Variants in ACVR1 observed in about 807,000 individuals in gnomAD.
The protein encoded by ACVR1 is activin receptor type-1.
ACVR1 carries 38 observed loss-of-function variants against 57.1 expected under a neutral mutation model. The ratio of observed to expected loss-of-function variants is 0.67; its 90% CI spans 0.51 to 0.87. The LOEUF (loss-of-function observed/expected upper bound fraction) is 0.87, where lower values mean the gene tolerates loss of function less well. ACVR1 is among the 40% of genes least tolerant of loss of function. ACVR1 has a pLI of 0.00. For synonymous variants in ACVR1, 212 were observed against 228.1 expected (o/e 0.93, Z 0.63); for missense variants, 463 against 638.2 (o/e 0.73, Z 2.96).
At chr2:157,782,532 A>G (rs566066101) in intron 3 of ACVR1, among the ~76,000 whole-genome samples, 1 of 152,214 alleles carries the variant, frequency 6.6e-6, no homozygotes, top group Admixed American at 6.5e-5. Context: ...AGAAACATGT[A>G]TATCTGTTGA....
chr2:157,851,521 A>C (rs561678979), intron 1 of ACVR1, among the ~76,000 whole-genome samples: 3 of 152,302 alleles, frequency 2.0e-5, no homozygotes, highest in African/African-American at 7.2e-5. Context: ...CTTAGAAAAA[A>C]GATATTAGGG....
intron 3 of ACVR1, among the ~76,000 whole-genome samples, chr2:157,793,123 T>C (rs1686981733): frequency 6.6e-6 from 1 of 152,212 alleles, no homozygotes; most frequent in Admixed American, 6.5e-5. Context: ...TTACAAGTTT[T>C]TCCATAAAGA....
At chr2:157,747,003 T>C (rs1384852274) in intron 9 of ACVR1, among the ~76,000 whole-genome samples, 2 of 152,212 alleles carry the variant, frequency 1.3e-5, no homozygotes, top group Admixed American at 1.3e-4. Context: ...AACATATTTT[T>C]ATGCTCATGG....
At chr2:157,780,238 G>T in intron 4 of ACVR1, 99 bp downstream of exon 4, 1 of 1,536,906 alleles carries the variant, frequency 6.5e-7, no homozygotes, top group African/African-American at 1.4e-5. Context: ...TCAAAATGTA[G>T]GTGGAATGCC....
chr2:157,809,414 C>A (rs1472270906), intron 2 of ACVR1, among the ~76,000 whole-genome samples: 2 of 152,082 alleles, frequency 1.3e-5, no homozygotes, highest in African/African-American at 4.8e-5. Context: ...TTAAATATAT[C>A]CATCAAAAGT....
intron 2 of ACVR1, among the ~76,000 whole-genome samples, chr2:157,800,870 T>C (rs1305059216): frequency 1.3e-5 from 2 of 152,070 alleles, no homozygotes; most frequent in Admixed American, 1.3e-4. Context: ...TCCCCTCTGC[T>C]TGAACTGCCC....
intron 1 of ACVR1, among the ~76,000 whole-genome samples, chr2:157,861,300 TATAGAAGG>T (rs1293640341): frequency 6.6e-6 from 1 of 152,128 alleles, no homozygotes; most frequent in Non-Finnish European, 1.5e-5. Flanking sequence ...AATAAATCTA[TATAGAAGG>T]ATAGAATGGC....
At chr2:157,810,226 A>T (rs1349598210) in intron 2 of ACVR1, among the ~76,000 whole-genome samples, 1 of 152,254 alleles carries the variant, frequency 6.6e-6, no homozygotes, top group Non-Finnish European at 1.5e-5. Context: ...TCCTTCCAAT[A>T]GTCCAAAAGT....
intron 1 of ACVR1, among the ~76,000 whole-genome samples, chr2:157,843,707 C>T (rs1689044186): frequency 6.6e-6 from 1 of 152,138 alleles, no homozygotes; most frequent in African/African-American, 2.4e-5. Context: ...ACCTTCTAGG[C>T]CAACCCTGCA....
At chr2:157,778,038 A>G in intron 5 of ACVR1, 93 bp downstream of exon 5, 2 of 1,315,028 alleles carry the variant, frequency 1.5e-6, no homozygotes, top group Non-Finnish European at 2.2e-6. Context: ...CTGTTCAGTC[A>G]CTCATTACTG....
intron 1 of ACVR1, among the ~76,000 whole-genome samples, chr2:157,826,307 G>A (rs1406930290): frequency 6.6e-6 from 1 of 152,188 alleles, no homozygotes; most frequent in African/African-American, 2.4e-5. Flanking sequence ...TATCTCCAGT[G>A]CCTGGTCTAG....
At chr2:157,863,457 G>T (rs865997039) in intron 1 of ACVR1, among the ~76,000 whole-genome samples, 1 of 134,090 alleles carries the variant, frequency 7.5e-6, no homozygotes. Context: ...AGCACTTTGG[G>T]AGGCCGAGGC....
intron 1 of ACVR1, among the ~76,000 whole-genome samples, chr2:157,852,945 A>G (rs1689373050): frequency 6.6e-6 from 1 of 152,210 alleles, no homozygotes. Flanking sequence ...GGATTACTTT[A>G]ATAAAAGGTA....
intron 3 of ACVR1, among the ~76,000 whole-genome samples, chr2:157,784,433 G>C (rs1020552631): frequency 3.3e-5 from 5 of 152,240 alleles, no homozygotes; most frequent in Non-Finnish European, 7.3e-5. Flanking sequence ...GCAGAAGGCA[G>C]AAAGTCTACT....
chr2:157,766,321 C>A lies in ACVR1; in HGVS notation c.791-125G>T, dbSNP rs1014908802. ...AAAAAGTAATTAAACTGACCAATTG[C>A]CCTAAGAGGAGGTTTACAGAAGCAT... On this transcript the variant is annotated intron_variant, in intron 7 of 10. Coordinates refer to ENST00000434821, the MANE Select transcript of ACVR1 (RefSeq NM_001111067.4). 1.0e-5 allele frequency: 10 copies of A among 968,784 alleles called. No individual in the cohort carries two copies. In the African/African-American group the frequency reaches 1.6e-4, roughly 16 times the overall value. The allele number at this position is 968,784 out of a possible 1,614,324, so 60.0% of individuals were successfully genotyped here.
chr2:157,757,521 T>C (rs1241150918), intron 9 of ACVR1, among the ~76,000 whole-genome samples: 6 of 151,708 alleles, frequency 4.0e-5, no homozygotes, highest in Non-Finnish European at 8.9e-5. Context: ...AAGTCATATA[T>C]AAAAGACTCC....
At chr2:157,836,258 T>C (rs577580317) in intron 1 of ACVR1, among the ~76,000 whole-genome samples, 3 of 152,234 alleles carry the variant, frequency 2.0e-5, no homozygotes, top group Non-Finnish European at 4.4e-5. Flanking sequence ...GCTTTATCTG[T>C]AAGAACAAGG....
intron 4 of ACVR1, among the ~76,000 whole-genome samples, chr2:157,778,990 A>C (rs536365420): frequency 3.5e-4 from 54 of 152,304 alleles, no homozygotes; most frequent in African/African-American, 1.3e-3. Flanking sequence ...TCACAAGCTT[A>C]ACTTCCTTTA....
chr2:157,855,789 C>A (rs1689510450), intron 1 of ACVR1, among the ~76,000 whole-genome samples: 1 of 152,068 alleles, frequency 6.6e-6, no homozygotes, highest in African/African-American at 2.4e-5. Flanking sequence ...GGTCCTTCAG[C>A]AAAAGGGTGG....
Sources: allele counts gnomAD v4.1 joint callset (sites outside exome capture counted in the v4.1 genomes callset), GRCh38; gene constraint gnomAD v4.1.1; transcripts MANE v1.5; gene names NCBI Gene and HGNC (gene_info 2026-07-23, HGNC 2026-07-21).